MCUB: variants seen among roughly 807,000 people sequenced by gnomAD.
The protein encoded by MCUB is calcium uniporter regulatory subunit MCUb, mitochondrial.
A neutral mutation model predicts 41.4 loss-of-function variants in MCUB; 46 were observed. The observed-to-expected ratio is 1.11, with a 90% CI of 0.88 to 1.42. MCUB has a LOEUF of 1.42. Ranked by LOEUF, MCUB falls within the 40% of genes most tolerant of loss-of-function variation. The pLI is 0.00. For missense variants in MCUB, 403 were observed against 404.9 expected (o/e 1.00, Z 0.04); for synonymous variants, 148 against 148.2 (o/e 1.00, Z 0.01).
chr4:109,588,014 C>T (rs1243033647), intron 1 of MCUB, among the ~76,000 whole-genome samples: 4 of 152,144 alleles, frequency 2.6e-5, no homozygotes, highest in South Asian at 2.1e-4. Context: ...TAAAGTGTTG[C>T]GTTAAGTATC....
chr4:109,636,547 A>T (rs1212784417), intron 1 of MCUB, among the ~76,000 whole-genome samples: 3 of 152,192 alleles, frequency 2.0e-5, no homozygotes, highest in Admixed American at 2.0e-4. Context: ...AAGAAAGAGA[A>T]TGTTTGGCCG....
At chr4:109,621,309 G>A (rs1206427105) in intron 1 of MCUB, among the ~76,000 whole-genome samples, 2 of 152,148 alleles carry the variant, frequency 1.3e-5, no homozygotes, top group Non-Finnish European at 2.9e-5. Context: ...GGAAGAATGG[G>A]ATGAGGAGTA....
intron 1 of MCUB, among the ~76,000 whole-genome samples, chr4:109,608,785 G>A (rs1437819028): frequency 6.6e-6 from 1 of 152,240 alleles, no homozygotes; most frequent in East Asian, 1.9e-4. Context: ...AAAGGCATGA[G>A]CCACCATACC....
chr4:109,660,706 C>T (rs1352676644), intron 3 of MCUB, among the ~76,000 whole-genome samples: 3 of 151,812 alleles, frequency 2.0e-5, no homozygotes, highest in Non-Finnish European at 4.4e-5. Context: ...ATCCCAGCTA[C>T]TTGGGAGGCT....
intron 1 of MCUB, among the ~76,000 whole-genome samples, chr4:109,585,023 G>T (rs10029054): frequency 6.6e-6 from 1 of 151,906 alleles, no homozygotes; most frequent in Non-Finnish European, 1.5e-5. Flanking sequence ...ATTCTGGCTT[G>T]TTGATCTAAT....
rs112048783 is a variant in MCUB, at chr4:109,592,335, G to A, written c.99+31899G>A. 7.7e-3 allele frequency among the ~76,000 whole-genome samples: 1,176 copies of A among 151,948 alleles called. 11 individuals are homozygous for A. Among genetic ancestry groups the A allele is most frequent in the African/African-American group, 0.027 (1,111 of 41,428 alleles). On this transcript the variant is annotated intron_variant, in intron 1 of 7. Transcript: ENST00000394650. ...TGAGGCAGGAGAATTGCTTGAACCC[G>A]GGAGGTGGAGGTTGCAGTGAGCTGA...
intron 1 of MCUB, among the ~76,000 whole-genome samples, chr4:109,575,577 G>A (rs1727008194): frequency 6.6e-6 from 1 of 152,172 alleles, no homozygotes; most frequent in South Asian, 2.1e-4. Flanking sequence ...CATTTAATTA[G>A]TGGAGTCTGA....
At chr4:109,607,837 G>A (rs1267774131) in intron 1 of MCUB, among the ~76,000 whole-genome samples, 1 of 151,946 alleles carries the variant, frequency 6.6e-6, no homozygotes, top group Non-Finnish European at 1.5e-5. Context: ...CTTGACCTTT[G>A]GGAATTTGAT....
At chr4:109,566,483 TA>T (rs953573908) in intron 1 of MCUB, among the ~76,000 whole-genome samples, 2 of 146,192 alleles carry the variant, frequency 1.4e-5, no homozygotes, top group African/African-American at 2.6e-5. Context: ...AAAAAAAAAA[TA>T]AATAAATAAA....
rs914227831 is a variant in MCUB at position 109,609,257 on chromosome 4, C to T, written c.99+48821C>T. On this transcript the variant is annotated intron_variant, in intron 1 of 7. Transcript: ENST00000394650. ...AAAGTAAAGGAATAAAGAGTGGCTA[C>T]TCCATAGACAGAGCAGCCCCTAGGG... is the stretch of plus-strand genomic sequence containing the variant. Among the ~76,000 whole-genome samples the T allele has an allele frequency of 3.3e-5, 5 of 152,198 alleles. No individual in the cohort carries two copies. The South Asian group carries it at 1.0e-3, about 32-fold the overall frequency.
At chr4:109,615,764 A>G (rs1422327258) in intron 1 of MCUB, among the ~76,000 whole-genome samples, 1 of 152,206 alleles carries the variant, frequency 6.6e-6, no homozygotes, top group African/African-American at 2.4e-5. Context: ...TTTAATTTAA[A>G]GAAAATGGTT....
intron 1 of MCUB, among the ~76,000 whole-genome samples, chr4:109,596,723 TTC>T (rs200799643): frequency 0.24 from 32,211 of 136,530 alleles, 4,167 homozygotes; most frequent in South Asian, 0.36. Context: ...CTTCTTAAAC[TTC>T]TTTTTTTTTT....
intron 4 of MCUB, among the ~76,000 whole-genome samples, chr4:109,673,493 G>A (rs534060954): frequency 6.6e-6 from 1 of 152,308 alleles, no homozygotes; most frequent in Non-Finnish European, 1.5e-5. Flanking sequence ...TGTAACCTCA[G>A]CTTATGAAAA....
At chr4:109,647,502 A>G (rs1281978192) in intron 1 of MCUB, among the ~76,000 whole-genome samples, 2 of 152,182 alleles carry the variant, frequency 1.3e-5, no homozygotes, top group African/African-American at 4.8e-5. Flanking sequence ...ATGTCTTTTC[A>G]TGGCTTGATA....
At chr4:109,593,994 C>T (rs944591882) in intron 1 of MCUB, among the ~76,000 whole-genome samples, 2 of 152,168 alleles carry the variant, frequency 1.3e-5, no homozygotes, top group Non-Finnish European at 2.9e-5. Context: ...TCTAGAAGTA[C>T]TTGTCACCTT....
chr4:109,607,503 C>T (rs1299171838), intron 1 of MCUB, among the ~76,000 whole-genome samples: 2 of 152,220 alleles, frequency 1.3e-5, no homozygotes, highest in Non-Finnish European at 2.9e-5. Context: ...CAGGCGTGAG[C>T]CACCATGCCC....
rs140147043 is a variant in MCUB at position 109,627,744 on chromosome 4, C to T, written c.100-31267C>T. 7.8e-4 allele frequency among the ~76,000 whole-genome samples: 119 copies of T among 152,150 alleles called. No individual in the cohort carries two copies. The East Asian group carries it at 0.021, about 27-fold the overall frequency. ...CCTGGCCAACATGGTGAAACCCTGTCTCTAGTAAAAATACAAAAATTAGCC... is the reference window on the plus strand; with the variant it reads ...CCTGGCCAACATGGTGAAACCCTGTTTCTAGTAAAAATACAAAAATTAGCC... On this transcript the variant is annotated intron_variant, in intron 1 of 7. Coordinates refer to ENST00000394650, the MANE Select transcript of MCUB (RefSeq NM_017918.5).
chr4:109,587,123 A>C (rs28790296), intron 1 of MCUB, among the ~76,000 whole-genome samples: 32,334 of 152,082 alleles, frequency 0.21, 4,817 homozygotes, highest in African/African-American at 0.41. Flanking sequence ...CCAGTTTGAG[A>C]TTCCTGGGCT....
At chr4:109,668,922 A>C (rs1477856182) in intron 4 of MCUB, among the ~76,000 whole-genome samples, 1 of 152,102 alleles carries the variant, frequency 6.6e-6, no homozygotes, top group East Asian at 1.9e-4. Context: ...TATAATAACA[A>C]AATAATCCTG....
Sources: allele counts gnomAD v4.1 joint callset (sites outside exome capture counted in the v4.1 genomes callset), GRCh38; gene constraint gnomAD v4.1.1; transcripts MANE v1.5; gene names NCBI Gene and HGNC (gene_info 2026-07-23, HGNC 2026-07-21).